The following SH3RF1 variants were observed in gnomAD, a reference collection of about 807,000 sequenced individuals.
The protein encoded by SH3RF1 is E3 ubiquitin-protein ligase SH3RF1.
A neutral mutation model predicts 74.0 loss-of-function variants in SH3RF1; 32 were observed. That is an observed-to-expected ratio of 0.43 (90% CI 0.33 to 0.58). The LOEUF (loss-of-function observed/expected upper bound fraction) is 0.58, where lower values mean the gene tolerates loss of function less well. Ranked by LOEUF, SH3RF1 falls within the 20% of genes least tolerant of loss-of-function variation. The probability of loss-of-function intolerance (pLI) is 0.05; values close to 1 mark genes in which losing one functional copy is unlikely to be tolerated. For synonymous variants in SH3RF1, 396 were observed against 439.6 expected, an observed-to-expected ratio of 0.90 and a Z score of 1.24; for missense variants, 954 against 1,130.9, an observed-to-expected ratio of 0.84 and a Z score of 2.24.
chr4:169,214,944 A>G (rs1327720769), intron 2 of SH3RF1, among the ~76,000 whole-genome samples: 2 of 151,978 alleles, frequency 1.3e-5, no homozygotes, highest in Non-Finnish European at 2.9e-5. Context: ...CAATCTTTAT[A>G]CCTTTTCTTT....
At chr4:169,200,998 A>T (rs1482214715) in intron 2 of SH3RF1, among the ~76,000 whole-genome samples, 1 of 152,222 alleles carries the variant, frequency 6.6e-6, no homozygotes, top group African/African-American at 2.4e-5. Context: ...AATGTCAGTT[A>T]AATAAATTTT....
At chr4:169,261,918 T>C (rs557064355) in intron 2 of SH3RF1, among the ~76,000 whole-genome samples, 1 of 152,112 alleles carries the variant, frequency 6.6e-6, no homozygotes, top group Non-Finnish European at 1.5e-5. Context: ...AGAAAAATAC[T>C]ATGAGTATTT....
chr4:169,194,212 T>C (rs1184794957), intron 2 of SH3RF1, among the ~76,000 whole-genome samples: 1 of 152,130 alleles, frequency 6.6e-6, no homozygotes, highest in Non-Finnish European at 1.5e-5. Flanking sequence ...TTTTGTACTA[T>C]AAAATAAAGC....
At chr4:169,254,437 G>C (rs963502903) in intron 2 of SH3RF1, among the ~76,000 whole-genome samples, 1 of 152,150 alleles carries the variant, frequency 6.6e-6, no homozygotes, top group African/African-American at 2.4e-5. Context: ...TTAAGATCAG[G>C]TATCCATATG....
intron 2 of SH3RF1, among the ~76,000 whole-genome samples, chr4:169,257,306 A>G (rs1196763601): frequency 1.3e-5 from 2 of 152,172 alleles, no homozygotes; most frequent in African/African-American, 2.4e-5. Flanking sequence ...CATCTCCCCT[A>G]TGCTTAATGA....
chr4:169,158,011 T>A (rs191824440), intron 2 of SH3RF1, among the ~76,000 whole-genome samples: 282 of 152,350 alleles, frequency 1.9e-3, no homozygotes, highest in Non-Finnish European at 3.0e-3. Context: ...AGTGCTGGGA[T>A]TATAGGCATG....
chr4:169,154,792 C>T (rs1385809988), intron 4 of SH3RF1, among the ~76,000 whole-genome samples: 1 of 152,104 alleles, frequency 6.6e-6, no homozygotes, highest in South Asian at 2.1e-4. Flanking sequence ...AATTCTTATT[C>T]CCAAAGGACA....
intron 4 of SH3RF1, among the ~76,000 whole-genome samples, chr4:169,138,185 A>C (rs574055215): frequency 3.2e-4 from 49 of 152,310 alleles, no homozygotes; most frequent in African/African-American, 1.2e-3. Flanking sequence ...TAGCTATCCC[A>C]CCTTGAGAAT....
chr4:169,152,466 G>A (rs1053906467), intron 4 of SH3RF1, among the ~76,000 whole-genome samples: 15 of 152,200 alleles, frequency 9.9e-5, no homozygotes, highest in South Asian at 4.1e-4. Flanking sequence ...GGCTGGGTGC[G>A]GTGGCTCACG....
At chr4:169,144,722 G>A (rs1733844311) in intron 4 of SH3RF1, among the ~76,000 whole-genome samples, 1 of 152,028 alleles carries the variant, frequency 6.6e-6, no homozygotes, top group African/African-American at 2.4e-5. Flanking sequence ...GGGACTGTCT[G>A]CTTTCTTTCA....
intron 2 of SH3RF1, among the ~76,000 whole-genome samples, chr4:169,163,015 C>G (rs1414208786): frequency 6.6e-6 from 1 of 151,870 alleles, no homozygotes; most frequent in African/African-American, 2.4e-5. Flanking sequence ...AGCTCTTGAC[C>G]AAACAGCAAT....
intron 2 of SH3RF1, among the ~76,000 whole-genome samples, chr4:169,189,303 T>C (rs1356369140): frequency 6.6e-6 from 1 of 152,260 alleles, no homozygotes; most frequent in Non-Finnish European, 1.5e-5. Context: ...TGCTGACATT[T>C]TGCTGTTATT....
At chr4:169,221,594 G>A (rs905593964) in intron 2 of SH3RF1, among the ~76,000 whole-genome samples, 30 of 151,982 alleles carry the variant, frequency 2.0e-4, no homozygotes, top group Non-Finnish European at 3.4e-4. Context: ...AGGCTAAAAC[G>A]TTCTTTATGA....
intron 2 of SH3RF1, among the ~76,000 whole-genome samples, chr4:169,229,891 T>A (rs1730707019): frequency 6.6e-6 from 1 of 152,198 alleles, no homozygotes; most frequent in Admixed American, 6.5e-5. Flanking sequence ...CTAATTGTAT[T>A]TACATGAGTG....
At chr4:169,138,845 T>C (rs1053951558) in intron 4 of SH3RF1, among the ~76,000 whole-genome samples, 1 of 152,222 alleles carries the variant, frequency 6.6e-6, no homozygotes, top group Admixed American at 6.5e-5. Context: ...TAAAATATTG[T>C]TCCCAATATT....
intron 11 of SH3RF1, among the ~76,000 whole-genome samples, chr4:169,099,003 G>T (rs1732974615): frequency 6.6e-6 from 1 of 152,194 alleles, no homozygotes; most frequent in Non-Finnish European, 1.5e-5. Context: ...CTCTAACTAG[G>T]AAACGAACTC....
At chr4:169,206,960 C>T (rs1730273469) in intron 2 of SH3RF1, among the ~76,000 whole-genome samples, 1 of 151,832 alleles carries the variant, frequency 6.6e-6, no homozygotes, top group Admixed American at 6.6e-5. Context: ...AGTAAGACCC[C>T]ATTTCTCTTT....
At chr4:169,237,461 C>A (rs1340699529) in intron 2 of SH3RF1, among the ~76,000 whole-genome samples, 1 of 152,072 alleles carries the variant, frequency 6.6e-6, no homozygotes, top group Non-Finnish European at 1.5e-5. Flanking sequence ...GGCAATACAG[C>A]CCAACCCCAT....
intron 4 of SH3RF1, among the ~76,000 whole-genome samples, chr4:169,137,362 A>G (rs960969640): frequency 6.6e-6 from 1 of 152,018 alleles, no homozygotes; most frequent in Non-Finnish European, 1.5e-5. Flanking sequence ...AAATCTGTGC[A>G]CTCCACTGAT....
Sources: gnomAD v4.1 joint callset for allele counts (sites outside exome capture counted in the v4.1 genomes callset) on GRCh38, gnomAD v4.1.1 for gene constraint, MANE v1.5 for transcripts, NCBI Gene and HGNC (gene_info 2026-07-23, HGNC 2026-07-21) for gene names.